The following STK4 variants were observed in gnomAD, a reference collection of about 807,000 sequenced individuals.
STK4 encodes the protein serine/threonine kinase 4.
In STK4, 30 loss-of-function variants were observed where a neutral mutation model predicts 64.9. That is an observed-to-expected ratio of 0.46 (90% CI 0.35 to 0.63). The LOEUF (loss-of-function observed/expected upper bound fraction) is 0.63. STK4 is among the 20% of genes least tolerant of loss of function. The probability of loss-of-function intolerance (pLI) is 0.01; values close to 1 mark genes in which losing one functional copy is unlikely to be tolerated. For synonymous variants in STK4, 177 were observed against 199.0 expected, an observed-to-expected ratio of 0.89 and a Z score of 0.93; for missense variants, 466 against 598.5, an observed-to-expected ratio of 0.78 and a Z score of 2.31.
Position 44,996,904 on chromosome 20 carries a change from AAAT to A in STK4, c.694-253_694-251del, listed in dbSNP as rs1268310600. ...GAAAGGCAATGTACTGTGGTTACCA[AAAT>A]AATAATAATAAAAAAGCTTGATTGA... is the stretch of plus-strand genomic sequence containing the variant. On this transcript the variant is annotated intron_variant, in intron 6 of 10. Coordinates refer to ENST00000372806, the MANE Select transcript of STK4 (RefSeq NM_006282.5). Among the ~76,000 whole-genome samples the A allele has an allele frequency of 2.7e-5, 4 of 148,970 alleles. No homozygotes were observed. The South Asian group carries it at 6.3e-4, about 23-fold the overall frequency.
intron 10 of STK4, 29 bp downstream of exon 10, chr20:45,025,159 G>A: frequency 6.3e-7 from 1 of 1,581,960 alleles, no homozygotes; most frequent in South Asian, 1.2e-5. Flanking sequence ...AAATGGTTAT[G>A]TCTTCAGGGG....
At chr20:45,002,980 T>A (rs1410292800) in intron 9 of STK4, among the ~76,000 whole-genome samples, 1 of 152,110 alleles carries the variant, frequency 6.6e-6, no homozygotes, top group Non-Finnish European at 1.5e-5. Flanking sequence ...CATCATACCA[T>A]TTCTTTATAA....
intron 10 of STK4, among the ~76,000 whole-genome samples, chr20:45,068,129 G>A (rs1979745254): frequency 6.6e-6 from 1 of 152,124 alleles, no homozygotes; most frequent in South Asian, 2.1e-4. Context: ...AACGAATAAT[G>A]TCCTCCATTG....
At chr20:45,034,902 G>A (rs6073610) in intron 10 of STK4, among the ~76,000 whole-genome samples, 23 of 152,048 alleles carry the variant, frequency 1.5e-4, no homozygotes, top group Admixed American at 2.6e-4. Flanking sequence ...GAGTGACAGA[G>A]TGAGACCCCA....
At chr20:45,040,313 AT>A (rs974205340) in intron 10 of STK4, among the ~76,000 whole-genome samples, 1 of 151,984 alleles carries the variant, frequency 6.6e-6, no homozygotes, top group East Asian at 1.9e-4. Flanking sequence ...TATGCACTTG[AT>A]TTTTTGATTT....
intron 10 of STK4, among the ~76,000 whole-genome samples, chr20:45,070,188 G>T (rs952729449): frequency 6.6e-6 from 1 of 152,150 alleles, no homozygotes; most frequent in African/African-American, 2.4e-5. Context: ...TGGAGGGGAG[G>T]CAGGGGCCAG....
At chr20:45,056,490 A>G (rs564765364) in intron 10 of STK4, among the ~76,000 whole-genome samples, 1 of 152,334 alleles carries the variant, frequency 6.6e-6, no homozygotes, top group East Asian at 1.9e-4. Context: ...TCTGTTCACT[A>G]CTACTTTATT....
intron 10 of STK4, among the ~76,000 whole-genome samples, chr20:45,062,268 T>G (rs533263701): frequency 6.6e-6 from 1 of 152,334 alleles, no homozygotes; most frequent in East Asian, 1.9e-4. Context: ...CATGATCTTG[T>G]TCTTTTTTAT....
At chr20:44,983,429 T>G (rs998469941) in intron 4 of STK4, among the ~76,000 whole-genome samples, 3 of 151,978 alleles carry the variant, frequency 2.0e-5, no homozygotes, top group African/African-American at 7.3e-5. Flanking sequence ...TAGCGAGACC[T>G]CGTCTCTACA....
intron 5 of STK4, among the ~76,000 whole-genome samples, 158 bp from the exon 6 acceptor site, chr20:44,994,932 T>C (rs997823740): frequency 1.3e-5 from 2 of 152,150 alleles, no homozygotes; most frequent in Non-Finnish European, 2.9e-5. Flanking sequence ...GTATGGTTTT[T>C]ATATGTATTT....
intron 2 of STK4, among the ~76,000 whole-genome samples, chr20:44,977,203 T>C (rs2067354483): frequency 6.6e-6 from 1 of 152,216 alleles, no homozygotes; most frequent in Admixed American, 6.5e-5. Flanking sequence ...TGGTGTAATA[T>C]TTAAGGATGA....
At chr20:45,068,441 A>G (rs1037287860) in intron 10 of STK4, among the ~76,000 whole-genome samples, 1 of 152,218 alleles carries the variant, frequency 6.6e-6, no homozygotes, top group Admixed American at 6.5e-5. Context: ...CTACTACAAA[A>G]GGCACAAAAG....
intron 10 of STK4, among the ~76,000 whole-genome samples, chr20:45,068,510 AAGT>A (rs1465812662): frequency 6.6e-6 from 1 of 152,184 alleles, no homozygotes. Flanking sequence ...CAGAGAGGAC[AAGT>A]AACTTGCCTA....
intron 10 of STK4, among the ~76,000 whole-genome samples, chr20:45,026,194 C>G (rs1311403015): frequency 7.2e-6 from 1 of 139,562 alleles, no homozygotes; most frequent in South Asian, 2.5e-4. Flanking sequence ...ATTAACAGAA[C>G]AGCCAAAAAC....
chr20:45,011,585 C>T (rs1290567459), intron 9 of STK4, among the ~76,000 whole-genome samples: 3 of 151,254 alleles, frequency 2.0e-5, no homozygotes, highest in East Asian at 3.9e-4. Context: ...AGCATGGTAC[C>T]ATGCATATAG....
At chr20:44,981,042 T>A (rs1476402245) in intron 3 of STK4, among the ~76,000 whole-genome samples, 1 of 152,164 alleles carries the variant, frequency 6.6e-6, no homozygotes, top group Middle Eastern at 3.2e-3. Context: ...GTAATTCCTG[T>A]TTTGTAGCCT....
chr20:45,066,181 TACACACACAC>T (rs11472596), intron 10 of STK4, among the ~76,000 whole-genome samples: 10 of 147,514 alleles, frequency 6.8e-5, no homozygotes, highest in African/African-American at 1.5e-4. Context: ...ATTATATATC[TACACACACAC>T]ACACACACAC....
intron 10 of STK4, among the ~76,000 whole-genome samples, chr20:45,027,054 A>C (rs928599832): frequency 6.6e-6 from 1 of 152,262 alleles, no homozygotes; most frequent in Non-Finnish European, 1.5e-5. Flanking sequence ...AAATCACATC[A>C]TTATTGTGAT....
chr20:45,004,726 T>A (rs1257159746), intron 9 of STK4, among the ~76,000 whole-genome samples: 2 of 151,860 alleles, frequency 1.3e-5, no homozygotes, highest in African/African-American at 4.8e-5. Flanking sequence ...TTGCTTTTGA[T>A]ATTTTTGTCA....
Sources: gnomAD v4.1 joint callset for allele counts (sites outside exome capture counted in the v4.1 genomes callset) on GRCh38, gnomAD v4.1.1 for gene constraint, MANE v1.5 for transcripts, NCBI Gene and HGNC (gene_info 2026-07-23, HGNC 2026-07-21) for gene names.